DHRS3: variants seen among roughly 807,000 people sequenced by gnomAD.
DHRS3 encodes dehydrogenase/reductase 3.
DHRS3 carries 14 observed loss-of-function variants against 27.2 expected under a neutral mutation model. The observed-to-expected ratio is 0.52, with a 90% CI of 0.34 to 0.81. The LOEUF (loss-of-function observed/expected upper bound fraction) is 0.81. DHRS3 is among the 30% of genes least tolerant of loss of function. The probability of loss-of-function intolerance (pLI) is 0.01; values close to 1 mark genes in which losing one functional copy is unlikely to be tolerated. For synonymous variants in DHRS3, 165 were observed against 175.9 expected, an observed-to-expected ratio of 0.94 and a Z score of 0.49; for missense variants, 322 against 406.2, an observed-to-expected ratio of 0.79 and a Z score of 1.78.
intron 1 of DHRS3, among the ~76,000 whole-genome samples, chr1:12,589,390 T>C (rs1331045084): frequency 7.5e-6 from 1 of 133,478 alleles, no homozygotes; most frequent in African/African-American, 3.2e-5. Context: ...CTTTTCTTTT[T>C]CTTTTTTTTT....
chr1:12,609,989 C>T (rs1054378664), intron 1 of DHRS3, among the ~76,000 whole-genome samples: 2 of 152,170 alleles, frequency 1.3e-5, no homozygotes, highest in Admixed American at 1.3e-4. Flanking sequence ...TTATACCCTA[C>T]CTAGAATCTC....
chr1:12,573,485 C>G (rs953945270), intron 4 of DHRS3, among the ~76,000 whole-genome samples: 4 of 152,268 alleles, frequency 2.6e-5, no homozygotes, highest in African/African-American at 9.6e-5. Context: ...GTCGGTCCTG[C>G]TCCCCTGCAT....
At chr1:12,606,137 A>G (rs1646869407) in intron 1 of DHRS3, among the ~76,000 whole-genome samples, 2 of 24,460 alleles carry the variant, frequency 8.2e-5, no homozygotes, top group African/African-American at 2.6e-4. Context: ...ACTCTGTCTC[A>G]AAAAAAAAAA....
At chr1:12,616,179 G>C (rs1409493999) in intron 1 of DHRS3, among the ~76,000 whole-genome samples, 1 of 152,212 alleles carries the variant, frequency 6.6e-6, no homozygotes, top group East Asian at 1.9e-4. Flanking sequence ...TGGCTTTGCG[G>C]CCCTTTCACC....
intron 1 of DHRS3, among the ~76,000 whole-genome samples, chr1:12,589,887 A>G (rs61776834): frequency 0.12 from 18,472 of 151,698 alleles, 1,302 homozygotes; most frequent in Non-Finnish European, 0.15. Flanking sequence ...ACAGAAATAG[A>G]TCCCCCTTTG....
At chr1:12,580,271 C>T in intron 2 of DHRS3, 1 of 516,508 alleles carries the variant, frequency 1.9e-6, no homozygotes, top group Non-Finnish European at 3.5e-6. Flanking sequence ...TGCCCCGCCA[C>T]AGTCCTGGAG....
intron 1 of DHRS3, among the ~76,000 whole-genome samples, chr1:12,583,383 C>CCCATCCAT (rs747557934): frequency 7.2e-6 from 1 of 138,062 alleles, no homozygotes; most frequent in Non-Finnish European, 1.6e-5. Context: ...CCCACCCCAC[C>CCCATCCAT]CCATCCATCC....
chr1:12,579,377 G>T lies in DHRS3; in HGVS notation c.375C>A (p.Ala125=), dbSNP rs185548282. The change falls in exon 3 of 6, where the codon GCC becomes GCA. Residue 125 remains alanine, a synonymous_variant. Transcript: ENST00000616661. Reference sequence around the variant, plus strand: ...CCATTAGGCTCTTCCCATGGACCACGGCGGCATTGTTCACCAGGATGGTGA... The same window carrying T: ...CCATTAGGCTCTTCCCATGGACCACTGCGGCATTGTTCACCAGGATGGTGA... The part of the protein sequence containing the change: ...GDITILVNNA[A]VVHGKSLMDS... The T allele has an allele frequency of 6.2e-5, 100 of 1,614,184 alleles. No individual in the cohort carries two copies. Among genetic ancestry groups the T allele is most frequent in the Non-Finnish European group, 7.9e-5 (93 of 1,180,026 alleles).
At chr1:12,600,529 T>A in intron 1 of DHRS3, 1 of 338,148 alleles carries the variant, frequency 3.0e-6, no homozygotes, top group Non-Finnish European at 4.2e-6. Flanking sequence ...CTGGCAGGAC[T>A]GCCTGCCTGC....
chr1:12,611,759 G>A (rs1646910892), intron 1 of DHRS3, among the ~76,000 whole-genome samples: 1 of 151,964 alleles, frequency 6.6e-6, no homozygotes. Flanking sequence ...GTGCTTCTCA[G>A]CTGCAACCTG....
At chr1:12,583,493 TATCCATCC>T (rs70987256) in intron 1 of DHRS3, among the ~76,000 whole-genome samples, 2 of 86,786 alleles carry the variant, frequency 2.3e-5, no homozygotes, top group African/African-American at 9.8e-5. Flanking sequence ...CTCACCTACT[TATCCATCC>T]ATCCATCCAT....
At chr1:12,600,418 G>A in intron 1 of DHRS3, 4 of 985,124 alleles carry the variant, frequency 4.1e-6, no homozygotes, top group Non-Finnish European at 4.8e-6. Context: ...TCATAGGGAA[G>A]TGGCCCGGAG....
intron 4 of DHRS3, among the ~76,000 whole-genome samples, chr1:12,573,819 T>C (rs1230602258): frequency 6.6e-6 from 1 of 152,174 alleles, no homozygotes; most frequent in Non-Finnish European, 1.5e-5. Flanking sequence ...GCCAGACTCA[T>C]GTACAAATTA....
intron 1 of DHRS3, among the ~76,000 whole-genome samples, chr1:12,581,005 T>G (rs913654260): frequency 4.6e-5 from 7 of 151,808 alleles, no homozygotes; most frequent in African/African-American, 1.7e-4. Flanking sequence ...TTAAAAAAAA[T>G]TTTGTAGAGT....
intron 1 of DHRS3, among the ~76,000 whole-genome samples, chr1:12,604,846 C>T (rs972712640): frequency 1.3e-5 from 2 of 152,046 alleles, no homozygotes; most frequent in Non-Finnish European, 2.9e-5. Context: ...GTCAAGAGAT[C>T]GAGACCATCC....
rs189090713 is a variant in DHRS3 at position 12,614,811 on chromosome 1, G to A, written c.195+2343C>T. Among the ~76,000 whole-genome samples, 27 of 151,044 alleles carry A rather than the reference G, an allele frequency of 1.8e-4. No homozygotes were observed. In the East Asian group the frequency reaches 4.9e-3, roughly 27 times the overall value. The stretch of plus-strand genomic sequence containing the variant: ...AGATGCAGCCACCAGAATCTAGGCT[G>A]GGAAGCTCTCAGATGCAGCCTCCAC... On this transcript the variant is annotated intron_variant, in intron 1 of 5. Coordinates refer to ENST00000616661, the MANE Select transcript of DHRS3 (RefSeq NM_004753.7).
rs1646772978 is a variant in DHRS3 at position 12,594,577 on chromosome 1, C to G, written c.196-13911G>C. Among the ~76,000 whole-genome samples, 1 of 152,014 alleles carries G rather than the reference C, an allele frequency of 6.6e-6. No individual in the cohort carries two copies. The highest frequency in any genetic ancestry group is 2.1e-4 in the South Asian group (1 of 4,820). ...TGGGGGAAAGGTGCAGGGAAGTCCTCTTGGTTAAAGTAACATTTTGGAAGA... is the reference window on the plus strand; with the variant it reads ...TGGGGGAAAGGTGCAGGGAAGTCCTGTTGGTTAAAGTAACATTTTGGAAGA... On this transcript the variant is annotated intron_variant, in intron 1 of 5. Transcript: ENST00000616661. This position sits in a 1 kb window ranked among gnomAD's most constrained non-coding sequence, Gnocchi z 4.1.
rs1187083078 is a variant in DHRS3 at position 12,578,635 on chromosome 1, G to A, written c.698+83C>T. 2.3e-5 allele frequency: 32 copies of A among 1,373,490 alleles called. 1 individual carries two copies. The highest frequency in any genetic ancestry group is 7.1e-5 in the African/African-American group (5 of 70,046). 85.1% of individuals were successfully genotyped at this position (1,373,490 alleles called of 1,614,324 possible). On this transcript the variant is annotated intron_variant, in intron 4 of 5. Transcript: ENST00000616661. This position sits in a 1 kb window ranked among gnomAD's most constrained non-coding sequence, Gnocchi z 4.5. ...TGCCTAGCCCGATTTTTATATCAGA[G>A]CTCTTTCTGCAGTTGGCTGACTGAA...
chr1:12,603,190 G>A (rs1317872598), intron 1 of DHRS3, among the ~76,000 whole-genome samples: 2 of 152,160 alleles, frequency 1.3e-5, no homozygotes, highest in African/African-American at 4.8e-5. Flanking sequence ...CTCCTGAGGG[G>A]CAAAAGCCCA....
Sources: allele counts gnomAD v4.1 joint callset (sites outside exome capture counted in the v4.1 genomes callset), GRCh38; gene constraint gnomAD v4.1.1; non-coding constraint Gnocchi (gnomAD v3.1); transcripts MANE v1.5; gene names NCBI Gene and HGNC (gene_info 2026-07-23, HGNC 2026-07-21).